Variants in ABCC1 observed in about 807,000 individuals in gnomAD.
ABCC1 encodes ATP binding cassette subfamily C member 1 (ABCC1 blood group).
ABCC1 carries 83 observed loss-of-function variants against 172.9 expected under a neutral mutation model. The ratio of observed to expected loss-of-function variants is 0.48; its 90% CI spans 0.40 to 0.58. The LOEUF is 0.58. Ranked by LOEUF, ABCC1 falls within the 20% of genes least tolerant of loss-of-function variation. The probability of loss-of-function intolerance (pLI) is 0.00; values close to 1 mark genes in which losing one functional copy is unlikely to be tolerated. For synonymous variants in ABCC1, 937 were observed against 825.2 expected (o/e 1.14, Z -2.32); for missense variants, 1,817 against 2,002.7 (o/e 0.91, Z 1.77).
chr16:16,088,714 C>T (rs7501384), intron 18 of ABCC1, among the ~76,000 whole-genome samples: 14 of 146,860 alleles, frequency 9.5e-5, no homozygotes, highest in Non-Finnish European at 1.3e-4. Flanking sequence ...TATTTTTTTT[C>T]TTTTTTTTTC....
intron 27 of ABCC1, among the ~76,000 whole-genome samples, chr16:16,134,007 G>A (rs1309090257): frequency 2.0e-5 from 3 of 152,148 alleles, no homozygotes; most frequent in African/African-American, 4.8e-5. Context: ...GGGGAAATGA[G>A]GAAATGCCTG....
intron 19 of ABCC1, among the ~76,000 whole-genome samples, chr16:16,093,669 T>C (rs2051343994): frequency 6.6e-6 from 1 of 152,166 alleles, no homozygotes; most frequent in African/African-American, 2.4e-5. Context: ...GGCTATAAAG[T>C]CTTGACATCA....
chr16:16,069,895 G>C lies in ABCC1; in HGVS notation c.1824+1593G>C, dbSNP rs560331872. 1.3e-4 allele frequency among the ~76,000 whole-genome samples: 20 copies of C among 152,226 alleles called. No homozygotes were observed. The East Asian group carries it at 3.7e-3, about 28-fold the overall frequency. On this transcript the variant is annotated intron_variant, in intron 13 of 30. Transcript: ENST00000399410. ...AAAAATTAGCCAGATGTATTGGTTG[G>C]TGCCTGTAATCCCAGCTAATCTGGA...
chr16:16,122,231 C>G (rs1244135554), intron 24 of ABCC1, 57 bp downstream of exon 24: 1 of 1,584,224 alleles, frequency 6.3e-7, no homozygotes, highest in Non-Finnish European at 8.6e-7. Flanking sequence ...CACCTTGTCT[C>G]TTTGCCTCGA....
intron 1 of ABCC1, among the ~76,000 whole-genome samples, chr16:15,996,263 G>A (rs577046070): frequency 3.9e-5 from 6 of 152,188 alleles, no homozygotes; most frequent in African/African-American, 1.4e-4. Context: ...GATTACAGGC[G>A]TGAACCCCTC....
intron 2 of ABCC1, among the ~76,000 whole-genome samples, 195 bp from the exon 3 acceptor site, chr16:16,009,581 G>A (rs1204564653): frequency 2.6e-5 from 4 of 152,120 alleles, no homozygotes; most frequent in Admixed American, 1.3e-4. Flanking sequence ...AGACCATCAC[G>A]TGCCGGCCTG....
intron 16 of ABCC1, among the ~76,000 whole-genome samples, chr16:16,081,888 G>T (rs1208043699): frequency 2.0e-5 from 3 of 152,122 alleles, no homozygotes; most frequent in Admixed American, 2.0e-4. Context: ...GCCTGGTGGT[G>T]TGTGCCTTTA....
At chr16:16,040,515 G>A (rs912946296) in intron 7 of ABCC1, among the ~76,000 whole-genome samples, 1 of 152,096 alleles carries the variant, frequency 6.6e-6, no homozygotes, top group Non-Finnish European at 1.5e-5. Flanking sequence ...TCAAACTCCT[G>A]ACATCAGGTG....
chr16:16,123,891 G>A (rs577010147), intron 24 of ABCC1, among the ~76,000 whole-genome samples: 2 of 152,020 alleles, frequency 1.3e-5, no homozygotes, highest in South Asian at 4.2e-4. Context: ...GTGGTGGCAT[G>A]GGCCTGTAGT....
chr16:15,990,342 C>T (rs939946008), intron 1 of ABCC1, among the ~76,000 whole-genome samples: 5 of 152,160 alleles, frequency 3.3e-5, no homozygotes, highest in Admixed American at 2.6e-4. Flanking sequence ...CCATCACACC[C>T]GGCCATCAGC....
intron 19 of ABCC1, among the ~76,000 whole-genome samples, chr16:16,095,764 G>A (rs568264334): frequency 6.6e-6 from 1 of 152,022 alleles, no homozygotes; most frequent in African/African-American, 2.4e-5. Flanking sequence ...GGGCTCAAGC[G>A]ATCCTCCCAC....
intron 1 of ABCC1, among the ~76,000 whole-genome samples, chr16:15,951,144 C>A (rs993356479): frequency 6.6e-6 from 1 of 152,120 alleles, no homozygotes; most frequent in African/African-American, 2.4e-5. Flanking sequence ...GGTGTAGTAA[C>A]AGCAAGATTA....
At chr16:16,068,122 G>T in intron 12 of ABCC1, 34 bp from the exon 13 acceptor site, 1 of 1,613,108 alleles carries the variant, frequency 6.2e-7, no homozygotes, top group Non-Finnish European at 8.5e-7. Context: ...CTCACTCGGG[G>T]CACAGCAGTC....
At chr16:16,104,314 C>G (rs1275573887) in intron 20 of ABCC1, among the ~76,000 whole-genome samples, 1 of 152,116 alleles carries the variant, frequency 6.6e-6, no homozygotes, top group Non-Finnish European at 1.5e-5. Flanking sequence ...TTACAGAGAG[C>G]CGATTGGTCT....
At chr16:16,130,067 G>C (rs1008390213) in intron 26 of ABCC1, among the ~76,000 whole-genome samples, 1 of 152,212 alleles carries the variant, frequency 6.6e-6, no homozygotes, top group Non-Finnish European at 1.5e-5. Flanking sequence ...ATGCTGAACT[G>C]AACTACTTTT....
In ABCC1 at chr16:16,106,857, A is replaced by C. The variant is rs781105458; in HGVS notation, c.2855A>C (p.Lys952Thr). 6.2e-7 allele frequency: 1 copy of C among 1,614,142 alleles called. No individual in the cohort carries two copies. The highest frequency in any genetic ancestry group is 1.1e-5 in the South Asian group (1 of 91,084). The change falls in exon 21 of 31, where the codon AAG becomes ACG. Residue 952 changes from lysine to threonine, a missense_variant. Lys to Thr is a moderately conservative substitution (Grantham distance 78, BLOSUM62 -1). Transcript: ENST00000399410. Reference protein sequence around the residue: ...EETWKLMEADKAQTGQVKLSV... With the variant: ...EETWKLMEADTAQTGQVKLSV... ...ACCTGGAAGCTGATGGAGGCTGACA[A>C]GGCGCAGACAGGGCAGGTGAGATTC... is the stretch of plus-strand genomic sequence containing the variant.
At chr16:16,104,005 C>G (rs542392461) in intron 20 of ABCC1, among the ~76,000 whole-genome samples, 16 of 152,174 alleles carry the variant, frequency 1.1e-4, no homozygotes, top group African/African-American at 3.6e-4. Flanking sequence ...AAGCTGCAGA[C>G]CTTCGCGGTA....
chr16:16,011,403 G>A (rs62029841), intron 3 of ABCC1, among the ~76,000 whole-genome samples: 57,694 of 152,032 alleles, frequency 0.38, 13,345 homozygotes, highest in Non-Finnish European at 0.52. Context: ...TAGAGTGGAT[G>A]TGACAGAGGG....
chr16:16,087,387 G>C (rs1426244199), intron 18 of ABCC1, among the ~76,000 whole-genome samples: 5 of 152,178 alleles, frequency 3.3e-5, no homozygotes, highest in Non-Finnish European at 7.3e-5. Context: ...AACATAATAG[G>C]AAATAGTTCC....
Sources: gnomAD v4.1 joint callset for allele counts (sites outside exome capture counted in the v4.1 genomes callset) on GRCh38, gnomAD v4.1.1 for gene constraint, MANE v1.5 for transcripts, NCBI Gene and HGNC (gene_info 2026-07-23, HGNC 2026-07-21) for gene names.